Variants in NDUFAF6 observed in about 807,000 individuals in gnomAD.
NDUFAF6 encodes the protein NADH:ubiquinone oxidoreductase complex assembly factor 6.
A neutral mutation model predicts 40.8 loss-of-function variants in NDUFAF6; 45 were observed. The observed-to-expected ratio is 1.10, with a 90% CI of 0.87 to 1.42. NDUFAF6 has a LOEUF of 1.42. NDUFAF6 is among the 40% of genes most tolerant of loss of function. The pLI, the probability that NDUFAF6 is intolerant of heterozygous loss-of-function variation, is 0.00. For missense variants in NDUFAF6, 435 were observed against 418.5 expected, an observed-to-expected ratio of 1.04 and a Z score of -0.34; for synonymous variants, 185 against 155.9, an observed-to-expected ratio of 1.19 and a Z score of -1.39.
Position 95,058,326 on chromosome 8 carries a change from A to C in NDUFAF6, c.*389A>C, listed in dbSNP as rs566944903. 7.9e-7 allele frequency: 1 copy of C among 1,262,276 alleles called. No homozygotes were observed. Among genetic ancestry groups the C allele is most frequent in the Non-Finnish European group, 9.9e-7 (1 of 1,006,188 alleles). The allele number at this position is 1,262,276 out of a possible 1,614,324, so 78.2% of individuals were successfully genotyped here. On this transcript the variant is annotated 3_prime_UTR_variant, in exon 9 of 9. Coordinates refer to ENST00000396124, the MANE Select transcript of NDUFAF6 (RefSeq NM_152416.4). ...GGCTCAAGTTATCATAGGGGCTTACATGCTGAGCAGCTATAACCTAGGTGT... is the reference window on the plus strand; with the variant it reads ...GGCTCAAGTTATCATAGGGGCTTACCTGCTGAGCAGCTATAACCTAGGTGT...
intron 9 of NDUFAF6, chr8:95,068,363 G>C (rs978584415): frequency 6.6e-6 from 1 of 151,896 alleles, no homozygotes; most frequent in East Asian, 1.9e-4. Context: ...TGAATAGTTG[G>C]CTTCATGTTT....
At chr8:95,110,996 G>T (rs1206915872) in intron 4 of NDUFAF6, among the ~76,000 whole-genome samples, 1 of 152,214 alleles carries the variant, frequency 6.6e-6, no homozygotes, top group Admixed American at 6.5e-5. Flanking sequence ...CCCCTCCTTG[G>T]AGGTGAAGCC....
intron 1 of NDUFAF6, among the ~76,000 whole-genome samples, chr8:94,980,535 C>G (rs1285587522): frequency 7.2e-6 from 1 of 139,544 alleles, no homozygotes; most frequent in East Asian, 2.1e-4. Flanking sequence ...CCTCCACTTC[C>G]TGGCTCCAAG....
chr8:94,988,005 G>A (rs909395097), intron 2 of NDUFAF6, among the ~76,000 whole-genome samples: 4 of 152,314 alleles, frequency 2.6e-5, no homozygotes, highest in Middle Eastern at 6.8e-3. Context: ...AGGATGAACT[G>A]CACAGCATTT....
At chr8:95,103,740 C>G (rs1278953616), downstream of NDUFAF6, among the ~76,000 whole-genome samples, 1 of 152,174 alleles carries the variant, frequency 6.6e-6, no homozygotes, top group African/African-American at 2.4e-5. Context: ...TCCGGGCATG[C>G]ATGGTTCTTT....
chr8:94,899,359 A>C (rs981241997), intron 1 of NDUFAF6, among the ~76,000 whole-genome samples: 3 of 152,382 alleles, frequency 2.0e-5, no homozygotes, highest in African/African-American at 4.8e-5. Context: ...CTGCATACAT[A>C]GTTGCCCAAA....
Position 95,046,222 on chromosome 8 carries a change from A to C in NDUFAF6, c.580+575A>C, listed in dbSNP as rs1433943821. Reference sequence around the variant, plus strand: ...ACTACAGGGACGTGCCACCACGCCCAGCTAAATTTTGTACTTTTAGTAGAG... The same window carrying C: ...ACTACAGGGACGTGCCACCACGCCCCGCTAAATTTTGTACTTTTAGTAGAG... On this transcript the variant is annotated intron_variant, in intron 5 of 8. Transcript: ENST00000396124. Among the ~76,000 whole-genome samples, 3 of 152,060 alleles carry C rather than the reference A, an allele frequency of 2.0e-5. No individual in the cohort carries two copies. In the East Asian group the frequency reaches 5.8e-4, roughly 29 times the overall value.
intron 1 of NDUFAF6, among the ~76,000 whole-genome samples, chr8:95,028,672 T>C (rs1374375206): frequency 6.6e-6 from 1 of 152,186 alleles, no homozygotes. Context: ...ATAACCTTGG[T>C]AGGTTATTAA....
intron 1 of NDUFAF6, among the ~76,000 whole-genome samples, chr8:95,029,669 C>T (rs919031171): frequency 2.0e-5 from 3 of 152,210 alleles, no homozygotes; most frequent in African/African-American, 7.2e-5. Flanking sequence ...TCTTATCTTT[C>T]ATGAGCTTGA....
chr8:95,044,312 C>G (rs966505410), intron 4 of NDUFAF6, among the ~76,000 whole-genome samples: 1 of 151,938 alleles, frequency 6.6e-6, no homozygotes, highest in Non-Finnish European at 1.5e-5. Context: ...GTAGTGATAG[C>G]TGCACAACTT....
intron 2 of NDUFAF6, among the ~76,000 whole-genome samples, chr8:95,008,310 T>C (rs1009423513): frequency 1.3e-5 from 2 of 152,192 alleles, no homozygotes; most frequent in African/African-American, 4.8e-5. Context: ...CTCTGAATAA[T>C]CCCAGCTTGG....
At chr8:95,081,576 T>C (rs1045154180) in intron 2 of NDUFAF6, among the ~76,000 whole-genome samples, 3 of 152,074 alleles carry the variant, frequency 2.0e-5, no homozygotes, top group Admixed American at 1.3e-4. Context: ...TGAAGGATGA[T>C]GGTAGAGGAA....
chr8:95,000,114 A>G (rs1586938491), intron 2 of NDUFAF6, among the ~76,000 whole-genome samples: 1 of 151,684 alleles, frequency 6.6e-6, no homozygotes, highest in Non-Finnish European at 1.5e-5. Flanking sequence ...AGGCAGGTGG[A>G]TCAATTGAGC....
At chr8:94,940,142 G>C in intron 1 of NDUFAF6, 1 of 1,614,198 alleles carries the variant, frequency 6.2e-7, no homozygotes, top group Non-Finnish European at 8.5e-7. Flanking sequence ...GGAAAAGACT[G>C]AAGGGTGCTC....
chr8:94,915,032 A>G (rs1327847781), intron 1 of NDUFAF6, among the ~76,000 whole-genome samples: 1 of 152,172 alleles, frequency 6.6e-6, no homozygotes, highest in Non-Finnish European at 1.5e-5. Context: ...TAGTGAACAC[A>G]GTACCCAATA....
intron 5 of NDUFAF6, among the ~76,000 whole-genome samples, 199 bp from the exon 6 acceptor site, chr8:95,046,795 G>T (rs1830818366): frequency 6.6e-6 from 1 of 152,116 alleles, no homozygotes. Flanking sequence ...TAAAAGTTGA[G>T]ATTGAGATTT....
intron 1 of NDUFAF6, among the ~76,000 whole-genome samples, chr8:94,924,742 C>CTGTTT (rs5893308): frequency 2.0e-5 from 3 of 151,880 alleles, no homozygotes; most frequent in Non-Finnish European, 4.4e-5. Flanking sequence ...GGTTTTTGTT[C>CTGTTT]TGTTTTGTTT....
intron 4 of NDUFAF6, among the ~76,000 whole-genome samples, chr8:95,111,570 C>T (rs2132087318): frequency 6.6e-6 from 1 of 152,262 alleles, no homozygotes; most frequent in South Asian, 2.1e-4. Flanking sequence ...ACATCTTGCT[C>T]GTGTAGGTAG....
chr8:95,056,249 A>C (rs1366917653), intron 8 of NDUFAF6, among the ~76,000 whole-genome samples: 1 of 145,320 alleles, frequency 6.9e-6, no homozygotes, highest in Admixed American at 6.9e-5. Context: ...TTTTTTTGAG[A>C]TGGGGTCTCT....
Sources: allele counts gnomAD v4.1 joint callset (sites outside exome capture counted in the v4.1 genomes callset), GRCh38; gene constraint gnomAD v4.1.1; transcripts MANE v1.5; gene names NCBI Gene and HGNC (gene_info 2026-07-23, HGNC 2026-07-21).